SGCZ: variants seen among roughly 807,000 people sequenced by gnomAD.
SGCZ encodes the protein zeta-sarcoglycan.
SGCZ carries 40 observed loss-of-function variants against 41.3 expected under a neutral mutation model. The ratio of observed to expected loss-of-function variants is 0.97; its 90% CI spans 0.75 to 1.26. The LOEUF is 1.26. Ranked by LOEUF, SGCZ falls within the 50% of genes most tolerant of loss-of-function variation. SGCZ has a pLI of 0.00. For missense variants in SGCZ, 552 were observed against 369.8 expected, an observed-to-expected ratio of 1.49 and a Z score of -4.04; for synonymous variants, 206 against 137.5, an observed-to-expected ratio of 1.50 and a Z score of -3.49.
At chr8:14,860,122 C>A (rs1585325289) in intron 1 of SGCZ, among the ~76,000 whole-genome samples, 2 of 151,888 alleles carry the variant, frequency 1.3e-5, no homozygotes, top group African/African-American at 4.8e-5. Context: ...GGCTGTGGTA[C>A]ACATACAGAA....
rs771322426 is a variant in SGCZ at position 14,952,418 on chromosome 8, G to A, written c.39+285167C>T. 3.3e-5 allele frequency among the ~76,000 whole-genome samples: 5 copies of A among 152,204 alleles called. No individual in the cohort carries two copies. In the Middle Eastern group the frequency reaches 0.014, roughly 414 times the overall value. Reference sequence around the variant, plus strand: ...ACATGGCTCAACTGCATGTTGCTGAGGCTTAAGTGATGCTGATTTACTGGT... The same window carrying A: ...ACATGGCTCAACTGCATGTTGCTGAAGCTTAAGTGATGCTGATTTACTGGT... On this transcript the variant is annotated intron_variant, in intron 1 of 7. Transcript: ENST00000382080.
At chr8:14,391,413 G>A (rs1458409789) in intron 2 of SGCZ, among the ~76,000 whole-genome samples, 1 of 152,036 alleles carries the variant, frequency 6.6e-6, no homozygotes, top group East Asian at 1.9e-4. Flanking sequence ...GGTCTATGTT[G>A]TATACCTATA....
At chr8:14,337,996 G>A (rs752187617) in intron 2 of SGCZ, among the ~76,000 whole-genome samples, 1 of 152,140 alleles carries the variant, frequency 6.6e-6, no homozygotes, top group Non-Finnish European at 1.5e-5. Context: ...GCTGTCCATG[G>A]AGGCTAAGAA....
intron 1 of SGCZ, among the ~76,000 whole-genome samples, chr8:14,985,827 A>G (rs1241134888): frequency 1.3e-5 from 2 of 152,202 alleles, no homozygotes; most frequent in East Asian, 3.8e-4. Context: ...TAGGACTAGG[A>G]TTTTAGAAAC....
chr8:14,479,727 ACTTCTTTTTTTTTTTTTTTTT>A (rs1313954856), intron 2 of SGCZ, among the ~76,000 whole-genome samples: 2 of 109,390 alleles, frequency 1.8e-5, no homozygotes, highest in South Asian at 3.0e-4. Context: ...CCAGAATTCT[ACTTCTTTTTTTTTTTTTTTTT>A]TTTTTTTTTT....
At chr8:14,976,685 A>C (rs1340091445) in intron 1 of SGCZ, among the ~76,000 whole-genome samples, 1 of 152,210 alleles carries the variant, frequency 6.6e-6, no homozygotes, top group African/African-American at 2.4e-5. Flanking sequence ...CACAGCATAG[A>C]TACAGAGTAC....
chr8:15,110,822 G>T (rs576106864), intron 1 of SGCZ, among the ~76,000 whole-genome samples: 4 of 152,192 alleles, frequency 2.6e-5, no homozygotes, highest in East Asian at 1.9e-4. Context: ...TACAAAATTA[G>T]CTGGGCATAG....
At chr8:14,386,002 G>C (rs944889521) in intron 2 of SGCZ, among the ~76,000 whole-genome samples, 3 of 152,018 alleles carry the variant, frequency 2.0e-5, no homozygotes, top group Admixed American at 6.6e-5. Flanking sequence ...GTAAATCGCT[G>C]TTATACTCTA....
At chr8:14,809,282 T>A (rs538007363) in intron 1 of SGCZ, among the ~76,000 whole-genome samples, 1 of 152,160 alleles carries the variant, frequency 6.6e-6, no homozygotes, top group South Asian at 2.1e-4. Flanking sequence ...GCAAACTGTT[T>A]CAAAGGAGAA....
intron 1 of SGCZ, among the ~76,000 whole-genome samples, chr8:15,096,253 A>T (rs1207568604): frequency 7.0e-6 from 1 of 143,024 alleles, no homozygotes; most frequent in Non-Finnish European, 1.5e-5. Context: ...ACTTTTGGTA[A>T]TTTTTTTTTT....
At chr8:14,781,304 T>A (rs1800580065) in intron 1 of SGCZ, among the ~76,000 whole-genome samples, 1 of 152,200 alleles carries the variant, frequency 6.6e-6, no homozygotes. Context: ...CCATCTTGGC[T>A]CACTGAAACG....
intron 3 of SGCZ, among the ~76,000 whole-genome samples, chr8:14,287,861 C>G (rs1471213843): frequency 3.9e-5 from 6 of 152,002 alleles, no homozygotes; most frequent in African/African-American, 1.4e-4. Flanking sequence ...GCTGAGTCTT[C>G]ATTTGCAGTA....
At position 14,998,826 on chromosome 8, in the gene SGCZ, C is replaced by T. The variant is rs147232387; in HGVS notation, c.39+238759G>A. 2.2e-3 allele frequency among the ~76,000 whole-genome samples: 332 copies of T among 152,182 alleles called. 1 individual carries two copies. Among genetic ancestry groups the T allele is most frequent in the Middle Eastern group, 0.01 (3 of 294 alleles). ...TATAACTATTTATTCTTGAAAAGTA[C>T]GCCAAAGAAAACCTATTATAAATGT... On this transcript the variant is annotated intron_variant, in intron 1 of 7. Transcript: ENST00000382080.
intron 7 of SGCZ, among the ~76,000 whole-genome samples, chr8:14,091,163 A>G (rs542377779): frequency 1.3e-4 from 19 of 151,730 alleles, no homozygotes; most frequent in African/African-American, 4.4e-4. Flanking sequence ...AAAGGACATG[A>G]ACTCATCCTT....
At chr8:14,496,126 C>T (rs558140301) in intron 2 of SGCZ, among the ~76,000 whole-genome samples, 4 of 98,352 alleles carry the variant, frequency 4.1e-5, no homozygotes, top group East Asian at 2.5e-4. Flanking sequence ...AGTGCAGTGG[C>T]GTGATCATGG....
intron 1 of SGCZ, among the ~76,000 whole-genome samples, chr8:14,854,052 T>TAA (rs1803454449): frequency 7.0e-6 from 1 of 142,888 alleles, no homozygotes. Flanking sequence ...TATATATATA[T>TAA]ATATCCTTTT....
chr8:14,674,889 T>G (rs13271125), intron 1 of SGCZ, among the ~76,000 whole-genome samples: 1 of 150,576 alleles, frequency 6.6e-6, no homozygotes, highest in Non-Finnish European at 1.5e-5. Context: ...GCCATCATGC[T>G]TCCTGTACAG....
chr8:14,157,455 A>G (rs1434820524), intron 5 of SGCZ, among the ~76,000 whole-genome samples: 4 of 150,090 alleles, frequency 2.7e-5, no homozygotes, highest in African/African-American at 9.8e-5. Flanking sequence ...TGTCCCCATC[A>G]TTGAGCATTT....
chr8:14,307,532 G>C (rs1801387526), intron 3 of SGCZ, among the ~76,000 whole-genome samples: 1 of 151,800 alleles, frequency 6.6e-6, no homozygotes, highest in African/African-American at 2.4e-5. Flanking sequence ...CCTTTCTTCA[G>C]CAAAAAAAGA....
Sources: allele counts gnomAD v4.1 joint callset (sites outside exome capture counted in the v4.1 genomes callset), GRCh38; gene constraint gnomAD v4.1.1; transcripts MANE v1.5; gene names NCBI Gene and HGNC (gene_info 2026-07-23, HGNC 2026-07-21).